Variants in SRFBP1 observed in about 807,000 individuals in gnomAD.
The protein encoded by SRFBP1 is serum response factor binding protein 1, also known as serum response factor-binding protein 1.
SRFBP1 carries 47 observed loss-of-function variants against 45.5 expected under a neutral mutation model. The observed-to-expected ratio is 1.03, with a 90% CI of 0.82 to 1.32. SRFBP1 has a LOEUF of 1.32. Among genes scored for constraint, SRFBP1 ranks in the 40% most tolerant of loss-of-function variants. The pLI, the probability that SRFBP1 is intolerant of heterozygous loss-of-function variation, is 0.00. For missense variants in SRFBP1, 621 were observed against 484.6 expected, an observed-to-expected ratio of 1.28 and a Z score of -2.64; for synonymous variants, 203 against 166.3, an observed-to-expected ratio of 1.22 and a Z score of -1.70.
intron 7 of SRFBP1, among the ~76,000 whole-genome samples, chr5:122,023,837 G>A (rs1468711404): frequency 2.6e-5 from 4 of 152,246 alleles, no homozygotes; most frequent in African/African-American, 4.8e-5. Context: ...CCTTCAGTCC[G>A]TCTGTGGGCT....
chr5:121,985,877 G>A (rs1374058079), intron 3 of SRFBP1, among the ~76,000 whole-genome samples: 3 of 151,856 alleles, frequency 2.0e-5, no homozygotes, highest in Non-Finnish European at 4.4e-5. Flanking sequence ...AGTAGATTAT[G>A]TACTGTGGAA....
At chr5:122,014,268 A>G (rs180724799) in intron 4 of SRFBP1, among the ~76,000 whole-genome samples, 4 of 152,286 alleles carry the variant, frequency 2.6e-5, no homozygotes, top group African/African-American at 7.2e-5. Flanking sequence ...CACAAATTGC[A>G]TATAATTATA....
intron 2 of SRFBP1, among the ~76,000 whole-genome samples, chr5:122,054,720 A>G (rs376837790): frequency 6.6e-6 from 1 of 152,162 alleles, no homozygotes; most frequent in East Asian, 1.9e-4. Context: ...CACTACTATT[A>G]GTTGGCAGCA....
intron 5 of SRFBP1, among the ~76,000 whole-genome samples, 183 bp downstream of exon 5, chr5:122,019,524 A>G (rs1339398308): frequency 1.3e-5 from 2 of 151,738 alleles, no homozygotes; most frequent in Admixed American, 6.6e-5. Flanking sequence ...CCAAATCTGT[A>G]TTGTTTAGTA....
chr5:122,063,906 T>A (rs1271728294), intron 2 of SRFBP1: 1 of 151,918 alleles, frequency 6.6e-6, no homozygotes, highest in Non-Finnish European at 1.5e-5. Context: ...AGTGAGTAAT[T>A]GGATGATAGA....
intron 2 of SRFBP1, among the ~76,000 whole-genome samples, chr5:122,047,238 G>A (rs1319612216): frequency 2.0e-5 from 3 of 152,130 alleles, no homozygotes; most frequent in African/African-American, 7.2e-5. Flanking sequence ...GTGTAAGGAA[G>A]GGATCCAGTT....
chr5:122,048,601 G>A (rs969164011), intron 2 of SRFBP1, among the ~76,000 whole-genome samples: 2 of 152,016 alleles, frequency 1.3e-5, no homozygotes, highest in African/African-American at 4.8e-5. Context: ...TATTGATTGG[G>A]ATAGTTTCAG....
chr5:122,048,096 G>A lies in SRFBP1; in HGVS notation n.311+25689G>A, dbSNP rs545528071. ...TCCAACACTATATTGAATAGGAGTG[G>A]TGAGAGAGGGCATCCCTGTCTTGTG... On this transcript the variant is annotated intron_variant and non_coding_transcript_variant, in intron 2 of 2. Coordinates refer to the SRFBP1 transcript ENST00000504881. Among the ~76,000 whole-genome samples the A allele has an allele frequency of 1.1e-4, 17 of 152,258 alleles. No homozygotes were observed. The East Asian group carries it at 3.3e-3, about 29-fold the overall frequency.
chr5:122,032,756 A>G (rs916513469), downstream of SRFBP1, among the ~76,000 whole-genome samples: 2 of 152,218 alleles, frequency 1.3e-5, no homozygotes, highest in Non-Finnish European at 2.9e-5. Flanking sequence ...AACAGTATGT[A>G]TTTCATGTTG....
At chr5:122,010,486 G>A (rs1753069055) in intron 4 of SRFBP1, among the ~76,000 whole-genome samples, 2 of 152,064 alleles carry the variant, frequency 1.3e-5, no homozygotes, top group African/African-American at 2.4e-5. Context: ...AGTGGCTTAG[G>A]GGAAATAGAG....
At chr5:122,040,324 C>T (rs753180596) in intron 2 of SRFBP1, among the ~76,000 whole-genome samples, 5 of 152,054 alleles carry the variant, frequency 3.3e-5, no homozygotes, top group African/African-American at 4.8e-5. Flanking sequence ...AGCCTAAGTA[C>T]GATATCATCC....
intron 1 of SRFBP1, among the ~76,000 whole-genome samples, chr5:121,964,601 C>A (rs1752024235): frequency 6.6e-6 from 1 of 152,102 alleles, no homozygotes; most frequent in African/African-American, 2.4e-5. Context: ...CATTGATGGG[C>A]ATTTGGGTTG....
intron 4 of SRFBP1, among the ~76,000 whole-genome samples, chr5:121,999,380 C>A (rs1405286289): frequency 6.6e-6 from 1 of 151,976 alleles, no homozygotes; most frequent in Non-Finnish European, 1.5e-5. Context: ...TTGTTATAGT[C>A]CAGAGTATAG....
chr5:122,076,985 C>A, downstream of SRFBP1: 1 of 1,613,668 alleles, frequency 6.2e-7, no homozygotes, highest in Non-Finnish European at 8.5e-7. Context: ...AGGGGTCGGC[C>A]ACCAGGTCTG....
chr5:122,044,492 C>T (rs1427490957), intron 2 of SRFBP1, among the ~76,000 whole-genome samples: 2 of 152,060 alleles, frequency 1.3e-5, no homozygotes, highest in East Asian at 1.9e-4. Context: ...TCCCTTTTCT[C>T]CACAACCTTG....
At chr5:121,968,472 C>A (rs772192155) in intron 1 of SRFBP1, among the ~76,000 whole-genome samples, 3 of 152,138 alleles carry the variant, frequency 2.0e-5, no homozygotes, top group Non-Finnish European at 2.9e-5. Flanking sequence ...GGGGGGACTA[C>A]TGTATTTTAT....
intron 3 of SRFBP1, among the ~76,000 whole-genome samples, chr5:121,989,696 C>T (rs1342351811): frequency 6.6e-6 from 1 of 152,168 alleles, no homozygotes; most frequent in African/African-American, 2.4e-5. Flanking sequence ...TATCTGGCAC[C>T]TGCGTGGCTA....
At chr5:122,065,934 A>G (rs886545539) in intron 2 of SRFBP1, 1 of 152,052 alleles carries the variant, frequency 6.6e-6, no homozygotes, top group Non-Finnish European at 1.5e-5. Flanking sequence ...TGCCTTATGT[A>G]TACCAGTCCC....
At chr5:122,069,043 G>C (rs922907250) in intron 2 of SRFBP1, among the ~76,000 whole-genome samples, 5 of 152,078 alleles carry the variant, frequency 3.3e-5, no homozygotes, top group African/African-American at 1.2e-4. Context: ...ATGTGACTCT[G>C]TTTTTTCAGT....
Sources: gnomAD v4.1 joint callset for allele counts (sites outside exome capture counted in the v4.1 genomes callset) on GRCh38, gnomAD v4.1.1 for gene constraint, MANE v1.5 for transcripts, NCBI Gene and HGNC (gene_info 2026-07-23, HGNC 2026-07-21) for gene names.